Variants in RABGAP1L observed in about 807,000 individuals in gnomAD.
RABGAP1L encodes the protein rab GTPase-activating protein 1-like.
RABGAP1L carries 63 observed loss-of-function variants against 137.7 expected under a neutral mutation model. The ratio of observed to expected loss-of-function variants is 0.46; its 90% CI spans 0.37 to 0.56. The LOEUF (loss-of-function observed/expected upper bound fraction) is 0.56. RABGAP1L is among the 20% of genes least tolerant of loss of function. RABGAP1L has a pLI of 0.00. For missense variants in RABGAP1L, 1,095 were observed against 1,244.0 expected, an observed-to-expected ratio of 0.88 and a Z score of 1.80; for synonymous variants, 431 against 433.7, an observed-to-expected ratio of 0.99 and a Z score of 0.08.
chr1:174,246,715 CAT>C (rs1211016789), intron 5 of RABGAP1L, among the ~76,000 whole-genome samples: 12 of 152,142 alleles, frequency 7.9e-5, no homozygotes, highest in African/African-American at 2.9e-4. Context: ...GGGACTTAAA[CAT>C]CTATGCATTT....
intron 11 of RABGAP1L, among the ~76,000 whole-genome samples, chr1:174,358,498 A>G (rs1280892660): frequency 6.6e-6 from 1 of 152,132 alleles, no homozygotes; most frequent in Non-Finnish European, 1.5e-5. Flanking sequence ...ATCTTGGCAC[A>G]GACATCAGGA....
chr1:174,692,622 C>G (rs1301249328), intron 15 of RABGAP1L, among the ~76,000 whole-genome samples: 2 of 152,114 alleles, frequency 1.3e-5, no homozygotes, highest in South Asian at 4.1e-4. Flanking sequence ...ATGTTATCAA[C>G]TTAAATTCCA....
intron 13 of RABGAP1L, among the ~76,000 whole-genome samples, chr1:174,620,762 G>T (rs1672377370): frequency 6.6e-6 from 1 of 152,140 alleles, no homozygotes; most frequent in African/African-American, 2.4e-5. Context: ...AAAGCTAGCG[G>T]AAGGCAAAAT....
intron 13 of RABGAP1L, among the ~76,000 whole-genome samples, chr1:174,452,688 A>G (rs1029306448): frequency 2.0e-5 from 3 of 152,000 alleles, no homozygotes; most frequent in African/African-American, 7.3e-5. Flanking sequence ...CAGCCTCCCA[A>G]GTAGCTGGGA....
At chr1:174,470,692 G>A (rs1374979992) in intron 13 of RABGAP1L, among the ~76,000 whole-genome samples, 2 of 152,076 alleles carry the variant, frequency 1.3e-5, no homozygotes, top group African/African-American at 4.8e-5. Context: ...GCTTGAACCT[G>A]GGAGATGGAG....
intron 10 of RABGAP1L, among the ~76,000 whole-genome samples, chr1:174,302,739 A>T (rs925935554): frequency 6.6e-6 from 1 of 152,168 alleles, no homozygotes; most frequent in African/African-American, 2.4e-5. Context: ...TGATATTAAA[A>T]TATCAAATGT....
intron 19 of RABGAP1L, among the ~76,000 whole-genome samples, chr1:174,943,273 A>G (rs1666192208): frequency 6.6e-6 from 1 of 152,090 alleles, no homozygotes; most frequent in African/African-American, 2.4e-5. Context: ...TTTGTGTTCA[A>G]TTTTTATCTT....
At chr1:174,460,158 G>A (rs1656509893) in intron 13 of RABGAP1L, among the ~76,000 whole-genome samples, 1 of 151,952 alleles carries the variant, frequency 6.6e-6, no homozygotes, top group African/African-American at 2.4e-5. Context: ...TGTTGTAAAA[G>A]GATGAGTTAT....
chr1:174,179,457 A>C (rs576847312), intron 1 of RABGAP1L, among the ~76,000 whole-genome samples: 4 of 152,214 alleles, frequency 2.6e-5, no homozygotes, highest in African/African-American at 7.2e-5. Flanking sequence ...TGTATTTCCT[A>C]CTTTGTCACA....
At chr1:174,316,762 G>A (rs1229041051) in intron 11 of RABGAP1L, among the ~76,000 whole-genome samples, 1 of 152,234 alleles carries the variant, frequency 6.6e-6, no homozygotes, top group South Asian at 2.1e-4. Flanking sequence ...TCAGACCCCA[G>A]GGTTGGAGGT....
chr1:174,699,991 A>G (rs561206337), intron 16 of RABGAP1L, among the ~76,000 whole-genome samples: 73 of 152,320 alleles, frequency 4.8e-4, no homozygotes, highest in African/African-American at 1.7e-3. Flanking sequence ...AGCTTTCTGC[A>G]TACTAATTAG....
At chr1:174,957,742 T>TC (rs1558281720) in intron 20 of RABGAP1L, 193 bp downstream of exon 20, 1 of 888,756 alleles carries the variant, frequency 1.1e-6, no homozygotes, top group Admixed American at 2.2e-5. Context: ...TTTTTTTTTT[T>TC]TTTTCTTAAA....
intron 19 of RABGAP1L, chr1:174,892,727 T>G: frequency 2.1e-6 from 1 of 467,506 alleles, no homozygotes; most frequent in Non-Finnish European, 4.1e-6. Flanking sequence ...TTCTTTGTTT[T>G]CTTTCTTTTT....
chr1:174,951,415 A>G (rs1442154000), intron 19 of RABGAP1L, among the ~76,000 whole-genome samples: 3 of 152,212 alleles, frequency 2.0e-5, no homozygotes, highest in Non-Finnish European at 2.9e-5. Flanking sequence ...AGGATTAAAT[A>G]TAGATTTTTC....
intron 13 of RABGAP1L, among the ~76,000 whole-genome samples, chr1:174,580,626 G>A (rs937427718): frequency 6.6e-5 from 10 of 152,078 alleles, no homozygotes; most frequent in African/African-American, 2.4e-4. Flanking sequence ...ACCGGGGCCT[G>A]CTGTGGGGTG....
chr1:174,616,537 A>G (rs1671894245), intron 13 of RABGAP1L, among the ~76,000 whole-genome samples: 1 of 152,152 alleles, frequency 6.6e-6, no homozygotes. Flanking sequence ...AGAGGTGGCA[A>G]TCAAATGGGG....
intron 20 of RABGAP1L, chr1:174,964,739 T>C: frequency 8.1e-7 from 1 of 1,233,092 alleles, no homozygotes; most frequent in Non-Finnish European, 1.1e-6. Context: ...TGAGTCTTCC[T>C]GAGTTGAGAC....
intron 18 of RABGAP1L, among the ~76,000 whole-genome samples, chr1:174,803,247 G>C (rs1323585353): frequency 6.6e-6 from 1 of 152,200 alleles, no homozygotes; most frequent in African/African-American, 2.4e-5. Context: ...TGATATAATA[G>C]AGGATGCACA....
intron 20 of RABGAP1L, chr1:174,964,953 G>T: frequency 6.7e-7 from 1 of 1,503,288 alleles, no homozygotes; most frequent in South Asian, 1.2e-5. Flanking sequence ...ACCTATGATT[G>T]AAAACAGTAG....
Sources: allele counts gnomAD v4.1 joint callset (sites outside exome capture counted in the v4.1 genomes callset), GRCh38; gene constraint gnomAD v4.1.1; transcripts MANE v1.5; gene names NCBI Gene and HGNC (gene_info 2026-07-23, HGNC 2026-07-21).